DYNC1I1: variants seen among roughly 807,000 people sequenced by gnomAD.
DYNC1I1 encodes dynein cytoplasmic 1 intermediate chain 1.
A neutral mutation model predicts 86.6 loss-of-function variants in DYNC1I1; 43 were observed. The observed-to-expected ratio is 0.50, with a 90% CI of 0.39 to 0.64. The LOEUF (loss-of-function observed/expected upper bound fraction) is 0.64. Ranked by LOEUF, DYNC1I1 falls within the 30% of genes least tolerant of loss-of-function variation. The pLI is 0.00. For synonymous variants in DYNC1I1, 262 were observed against 283.7 expected, an observed-to-expected ratio of 0.92 and a Z score of 0.77; for missense variants, 604 against 788.8, an observed-to-expected ratio of 0.77 and a Z score of 2.81.
At chr7:95,915,757 A>G (rs749571808) in intron 6 of DYNC1I1, among the ~76,000 whole-genome samples, 12 of 152,228 alleles carry the variant, frequency 7.9e-5, no homozygotes, top group Non-Finnish European at 1.6e-4. Context: ...AATGGGCTAT[A>G]CATTTATACG....
At chr7:95,962,131 G>A (rs1197754876) in intron 6 of DYNC1I1, among the ~76,000 whole-genome samples, 4 of 152,172 alleles carry the variant, frequency 2.6e-5, no homozygotes, top group Non-Finnish European at 5.9e-5. Context: ...GGAGACCAGA[G>A]CATCTAACCT....
At chr7:96,011,042 G>A (rs893620682) in intron 10 of DYNC1I1, among the ~76,000 whole-genome samples, 2 of 152,024 alleles carry the variant, frequency 1.3e-5, no homozygotes, top group African/African-American at 2.4e-5. Context: ...TGATTGCCTC[G>A]GGAAAAGGTA....
chr7:95,790,596 G>A (rs1794274095), intron 1 of DYNC1I1, among the ~76,000 whole-genome samples: 1 of 152,202 alleles, frequency 6.6e-6, no homozygotes, highest in South Asian at 2.1e-4. Flanking sequence ...TTCCTCAGCT[G>A]TTATATTCTT....
intron 6 of DYNC1I1, among the ~76,000 whole-genome samples, chr7:95,941,383 G>T (rs570114856): frequency 1.2e-3 from 175 of 152,172 alleles, no homozygotes; most frequent in African/African-American, 4.1e-3. Context: ...CTTTTTGTTT[G>T]TCTGTGCCCT....
chr7:95,875,145 A>G (rs1488772505), intron 6 of DYNC1I1, among the ~76,000 whole-genome samples: 2 of 152,178 alleles, frequency 1.3e-5, no homozygotes, highest in Non-Finnish European at 2.9e-5. Context: ...TCAGCTTCCC[A>G]TAATGTTTGG....
chr7:96,076,549 A>T (rs1048019813), intron 15 of DYNC1I1, among the ~76,000 whole-genome samples: 6 of 152,180 alleles, frequency 3.9e-5, no homozygotes, highest in African/African-American at 1.2e-4. Flanking sequence ...TGGAAAAGAA[A>T]GCTTTTGTGG....
intron 10 of DYNC1I1, among the ~76,000 whole-genome samples, chr7:96,018,781 A>G (rs1794462202): frequency 6.6e-6 from 1 of 152,214 alleles, no homozygotes; most frequent in African/African-American, 2.4e-5. Flanking sequence ...GGGAAATATC[A>G]TAAGTTTCTC....
chr7:95,797,355 G>C lies in DYNC1I1; in HGVS notation c.-9-7366G>C, dbSNP rs777472445. Among the ~76,000 whole-genome samples, 28 of 152,236 alleles carry C rather than the reference G, an allele frequency of 1.8e-4. No homozygotes were observed. The Middle Eastern group carries it at 0.01, about 55-fold the overall frequency. On this transcript the variant is annotated intron_variant, in intron 1 of 16. Transcript: ENST00000447467. ...TTCAAGAACACAACTGACAATATTT[G>C]TTGCTAATGATAAAGTTTGAGCTTT...
intron 6 of DYNC1I1, among the ~76,000 whole-genome samples, chr7:95,892,919 C>T (rs1790781909): frequency 6.6e-6 from 1 of 152,186 alleles, no homozygotes; most frequent in Non-Finnish European, 1.5e-5. Context: ...CTCAAAGTGG[C>T]AGGCTCCATG....
intron 16 of DYNC1I1, among the ~76,000 whole-genome samples, chr7:96,089,140 C>A (rs1222855344): frequency 1.4e-5 from 2 of 143,302 alleles, no homozygotes; most frequent in Non-Finnish European, 3.1e-5. Flanking sequence ...AAAGTGAACA[C>A]CTTCTAGTAT....
At chr7:95,954,865 G>A (rs1269037946) in intron 6 of DYNC1I1, among the ~76,000 whole-genome samples, 7 of 131,984 alleles carry the variant, frequency 5.3e-5, no homozygotes, top group African/African-American at 1.5e-4. Context: ...GCAGTGAGCC[G>A]AGATCGCACC....
At chr7:95,947,272 G>A (rs1792428608) in intron 6 of DYNC1I1, among the ~76,000 whole-genome samples, 1 of 152,156 alleles carries the variant, frequency 6.6e-6, no homozygotes, top group African/African-American at 2.4e-5. Context: ...CAGTGTTTCT[G>A]TAAATATGAA....
At chr7:95,799,215 CA>C (rs1172287976) in intron 1 of DYNC1I1, among the ~76,000 whole-genome samples, 2 of 151,908 alleles carry the variant, frequency 1.3e-5, no homozygotes, top group Admixed American at 1.3e-4. Context: ...CCATCTCTAT[CA>C]AAAAATACAA....
chr7:95,937,260 T>C (rs1792070569), intron 6 of DYNC1I1, among the ~76,000 whole-genome samples: 1 of 151,700 alleles, frequency 6.6e-6, no homozygotes, highest in Non-Finnish European at 1.5e-5. Context: ...ATAGTGACTA[T>C]AGTTAACCAT....
chr7:95,993,225 A>C (rs1430868376), intron 9 of DYNC1I1, among the ~76,000 whole-genome samples: 1 of 152,230 alleles, frequency 6.6e-6, no homozygotes, highest in African/African-American at 2.4e-5. Context: ...GATAAAATTT[A>C]AATCAGTATC....
chr7:95,964,147 T>G (rs904393992), intron 6 of DYNC1I1, among the ~76,000 whole-genome samples: 1 of 152,196 alleles, frequency 6.6e-6, no homozygotes, highest in Admixed American at 6.5e-5. Flanking sequence ...GTGATGAATT[T>G]TGATGAATTC....
rs577677740 is a variant in DYNC1I1, at chr7:95,888,837, C to T, written c.490+18839C>T. 7.0e-4 allele frequency among the ~76,000 whole-genome samples: 106 copies of T among 152,282 alleles called. 2 individuals are homozygous for T. In the South Asian group the frequency reaches 0.02, roughly 29 times the overall value. On this transcript the variant is annotated intron_variant, in intron 6 of 16. Coordinates refer to ENST00000447467, the MANE Select transcript of DYNC1I1 (RefSeq NM_001135556.2). The stretch of plus-strand genomic sequence containing the variant: ...ATAGCCAGAAAAGCGTCTGTCTTCT[C>T]AATTGAACTGATTTGTAATTCTAGA...
chr7:95,998,635 T>G (rs1423688940), intron 10 of DYNC1I1, among the ~76,000 whole-genome samples: 3 of 152,218 alleles, frequency 2.0e-5, no homozygotes, highest in African/African-American at 7.2e-5. Flanking sequence ...AATTTCAAAA[T>G]TAGACAATTC....
At chr7:96,046,510 T>C (rs1352319143) in intron 14 of DYNC1I1, among the ~76,000 whole-genome samples, 4 of 152,212 alleles carry the variant, frequency 2.6e-5, no homozygotes, top group African/African-American at 4.8e-5. Flanking sequence ...CAAGAGAGCG[T>C]AAATAACTTG....
Sources: allele counts gnomAD v4.1 joint callset (sites outside exome capture counted in the v4.1 genomes callset), GRCh38; gene constraint gnomAD v4.1.1; transcripts MANE v1.5; gene names NCBI Gene and HGNC (gene_info 2026-07-23, HGNC 2026-07-21).